The following DNAH14 variants were observed in gnomAD, a reference collection of about 807,000 sequenced individuals.
The protein encoded by DNAH14 is axonemal beta dynein heavy chain 14.
A neutral mutation model predicts 520.9 loss-of-function variants in DNAH14; 478 were observed. The ratio of observed to expected loss-of-function variants is 0.92; its 90% CI spans 0.85 to 0.99. The LOEUF (loss-of-function observed/expected upper bound fraction) is 0.99, where lower values mean the gene tolerates loss of function less well. Among genes scored for constraint, DNAH14 ranks in the 50% least tolerant of loss-of-function variants. DNAH14 has a pLI of 0.00. For missense variants in DNAH14, 4,831 were observed against 5,234.5 expected (o/e 0.92, Z 2.38); for synonymous variants, 1,581 against 1,757.2 (o/e 0.90, Z 2.51).
At position 225,335,275 on chromosome 1, in the gene DNAH14, T is replaced by TGTGTATATGCAGATATACACATGTGTACA. The variant is rs1558425838; in HGVS notation, c.10080+1769_10080+1770insGTGTATATGCAGATATACACATGTGTACA. 5.1e-5 allele frequency among the ~76,000 whole-genome samples: 4 copies of TGTGTATATGCAGATATACACATGTGTACA among 79,204 alleles called. 1 individual carries two copies. The highest frequency in any genetic ancestry group is 2.1e-4 in the African/African-American group (4 of 19,492). 52.0% of individuals were successfully genotyped at this position (79,204 alleles called of 152,430 possible). Reference sequence around the variant, plus strand: ...GTATATGCACATATACACGTGTACATTGTGTGTATATGCACATATACACAT... The same window carrying TGTGTATATGCAGATATACACATGTGTACA: ...GTATATGCACATATACACGTGTACATGTGTATATGCAGATATACACATGTGTACATGTGTGTATATGCACATATACACAT... On this transcript the variant is annotated intron_variant, in intron 66 of 85. Transcript: ENST00000682510.
rs2094187677 is a variant in DNAH14 at position 225,303,896 on chromosome 1, GA to G, written c.8823+552del. Among the ~76,000 whole-genome samples, 3 of 152,168 alleles carry G rather than the reference GA, an allele frequency of 2.0e-5. No individual in the cohort carries two copies. In the East Asian group the frequency reaches 5.8e-4, roughly 29 times the overall value. On this transcript the variant is annotated intron_variant, in intron 57 of 85. Transcript: ENST00000682510. ...AGGAGCTGTAAATGCATAGAGAACT[GA>G]AACTCAACGTAGGACATTTCTAGGT...
At chr1:225,369,359 T>C (rs988499237) in intron 77 of DNAH14, among the ~76,000 whole-genome samples, 8 of 151,882 alleles carry the variant, frequency 5.3e-5, no homozygotes, top group African/African-American at 1.9e-4. Flanking sequence ...GTGAAATTAA[T>C]GAAGAAATTT....
At chr1:225,291,475 G>C (rs1416111159) in intron 55 of DNAH14, among the ~76,000 whole-genome samples, 1 of 152,030 alleles carries the variant, frequency 6.6e-6, no homozygotes, top group African/African-American at 2.4e-5. Context: ...GGAGTGCAGT[G>C]GTGCAATCAT....
intron 54 of DNAH14, among the ~76,000 whole-genome samples, chr1:225,278,209 A>G (rs1428792301): frequency 6.6e-6 from 1 of 151,448 alleles, no homozygotes; most frequent in Non-Finnish European, 1.5e-5. Flanking sequence ...CAAGAAAAAA[A>G]TATGAAGCAA....
intron 56 of DNAH14, among the ~76,000 whole-genome samples, chr1:225,301,490 G>A (rs547458516): frequency 6.6e-6 from 1 of 152,238 alleles, no homozygotes; most frequent in African/African-American, 2.4e-5. Flanking sequence ...GATAGAGCGG[G>A]TGCTATTCAG....
Position 225,290,033 on chromosome 1 carries a change from TA to T in DNAH14, c.8424del (p.Lys2810AsnfsTer5). ...VFKKVFIHAG[L>X]KGKPTVLMVP... Reference sequence around the variant, plus strand: ...AAAAAGGTGTTTATTCACGCAGGATTAAAAGGGAAACCCACTGTTCTGATGG... The same window carrying T: ...AAAAAGGTGTTTATTCACGCAGGATTAAAGGGAAACCCACTGTTCTGATGG... On this transcript the variant is annotated frameshift_variant, in exon 55 of 86. Transcript: ENST00000682510. LOFTEE classifies it high-confidence loss of function. 6.5e-7 allele frequency: 1 copy of T among 1,527,924 alleles called. No homozygotes were observed. The highest frequency in any genetic ancestry group is 2.1e-5 in the Admixed American group (1 of 48,024). 94.6% of individuals were successfully genotyped at this position (1,527,924 alleles called of 1,614,324 possible).
chr1:225,096,143 T>TTG (rs1430272127), intron 21 of DNAH14, among the ~76,000 whole-genome samples: 1 of 151,614 alleles, frequency 6.6e-6, no homozygotes, highest in Non-Finnish European at 1.5e-5. Flanking sequence ...TTTGTTGTTG[T>TTG]TGTTGTTGTT....
In DNAH14 at chr1:225,340,600, TAGAAGA is replaced by T. The variant is rs780140982; in HGVS notation, c.10578_10583del (p.Leu3526_Asp3528delinsPhe). On this transcript the variant is annotated inframe_deletion, in exon 69 of 86. Coordinates refer to ENST00000682510, the MANE Select transcript of DNAH14 (RefSeq NM_001367479.1). The stretch of plus-strand genomic sequence containing the variant: ...GTGGTAACTCATGAAGTTCCTCATT[TAGAAGA>T]TCAACGTTCCAAGTTACTGGAGAGT... The T allele has an allele frequency of 2.6e-6, 4 of 1,551,346 alleles. No individual in the cohort carries two copies. The African/African-American group carries it at 4.1e-5, about 16-fold the overall frequency.
chr1:225,132,441 C>T (rs893799887), intron 27 of DNAH14, among the ~76,000 whole-genome samples: 3 of 151,954 alleles, frequency 2.0e-5, no homozygotes, highest in African/African-American at 7.3e-5. Context: ...CATCATTCAG[C>T]TCCCATTTAT....
intron 52 of DNAH14, among the ~76,000 whole-genome samples, chr1:225,274,026 A>C (rs1218897851): frequency 6.6e-6 from 1 of 152,056 alleles, no homozygotes; most frequent in Non-Finnish European, 1.5e-5. Flanking sequence ...AAAACGATTT[A>C]TATTCCTTTG....
rs79504221 is a variant in DNAH14, at chr1:225,259,137, G to C, written c.7041G>C (p.Gly2347=). 1.2e-4 allele frequency: 182 copies of C among 1,542,006 alleles called. No homozygotes were observed. The African/African-American group carries it at 2.4e-3, about 20-fold the overall frequency. The change falls in exon 46 of 86, where the codon GGG becomes GGC. Residue 2347 remains glycine, a synonymous_variant. Transcript: ENST00000682510. The part of the protein sequence containing the change: ...PVLLTGESGV[G]KTAAINQMLE... ...TTCCCTTAGGAGAATCTGGTGTTGG[G>C]AAAACTGCTGCCATTAATCAAATGC...
chr1:225,079,878 T>C (rs1305202979), intron 18 of DNAH14, among the ~76,000 whole-genome samples: 2 of 151,916 alleles, frequency 1.3e-5, no homozygotes, highest in Non-Finnish European at 2.9e-5. Flanking sequence ...TTTCACCGTG[T>C]TAGCCAAGAT....
intron 62 of DNAH14, among the ~76,000 whole-genome samples, chr1:225,323,812 A>G (rs2094600261): frequency 6.6e-6 from 1 of 151,414 alleles, no homozygotes; most frequent in Non-Finnish European, 1.5e-5. Context: ...ACTATTAAAG[A>G]TAAGTTAATT....
At chr1:225,336,139 A>T (rs1200445703) in intron 66 of DNAH14, among the ~76,000 whole-genome samples, 1 of 150,028 alleles carries the variant, frequency 6.7e-6, no homozygotes, top group Non-Finnish European at 1.5e-5. Flanking sequence ...GTATATGTAG[A>T]CAGACCTCAA....
chr1:225,319,512 A>G (rs1443720271), intron 61 of DNAH14, among the ~76,000 whole-genome samples: 1 of 152,206 alleles, frequency 6.6e-6, no homozygotes, highest in African/African-American at 2.4e-5. Context: ...TTTTGTGATA[A>G]GAAGAATTTT....
intron 4 of DNAH14, among the ~76,000 whole-genome samples, chr1:224,964,166 C>A (rs2061010526): frequency 6.6e-6 from 1 of 152,094 alleles, no homozygotes; most frequent in African/African-American, 2.4e-5. Context: ...ACTGTCCCTA[C>A]CCCAGCTTAG....
chr1:225,266,705 T>G lies in DNAH14; in HGVS notation c.7475T>G (p.Leu2492Arg). 1 of 1,525,600 alleles carries G rather than the reference T, an allele frequency of 6.6e-7. No homozygotes were observed. The highest frequency in any genetic ancestry group is 8.8e-7 in the Non-Finnish European group (1 of 1,140,170). The allele number at this position is 1,525,600 out of a possible 1,614,324, so 94.5% of individuals were successfully genotyped here. ...VSDMYGAQPP[L>R]ELIRQLLDLG... ...GATATGTATGGAGCACAGCCACCCCTGGAATTGATAAGACAATTGTTAGAT... is the reference window on the plus strand; with the variant it reads ...GATATGTATGGAGCACAGCCACCCCGGGAATTGATAAGACAATTGTTAGAT... Residue 2492 changes from leucine (L) to arginine (R), a missense_variant, in exon 49 of 86, where the codon CTG (leucine) becomes CGG (arginine). By Grantham distance (102) the Leu-to-Arg change is moderately radical (BLOSUM62 -2). Transcript: ENST00000682510.
At chr1:225,336,181 A>T (rs2095049067) in intron 66 of DNAH14, among the ~76,000 whole-genome samples, 2 of 150,222 alleles carry the variant, frequency 1.3e-5, no homozygotes, top group Non-Finnish European at 3.0e-5. Context: ...AAGTTATAAG[A>T]CTATGCAACA....
At chr1:224,957,425 G>T (rs748644122) in intron 3 of DNAH14, among the ~76,000 whole-genome samples, 2 of 152,080 alleles carry the variant, frequency 1.3e-5, no homozygotes, top group African/African-American at 2.4e-5. Flanking sequence ...CTGAGGTGTT[G>T]TATTTGGGAA....
Sources: gnomAD v4.1 joint callset for allele counts (sites outside exome capture counted in the v4.1 genomes callset) on GRCh38, gnomAD v4.1.1 for gene constraint, MANE v1.5 for transcripts, NCBI Gene and HGNC (gene_info 2026-07-23, HGNC 2026-07-21) for gene names.